The following RPTOR variants were observed in gnomAD, a reference collection of about 807,000 sequenced individuals.
RPTOR encodes the protein regulatory-associated protein of mTOR.
A neutral mutation model predicts 169.9 loss-of-function variants in RPTOR; 21 were observed. That is an observed-to-expected ratio of 0.12 (90% confidence interval 0.09 to 0.18). The LOEUF (loss-of-function observed/expected upper bound fraction) is 0.18. Among genes scored for constraint, RPTOR ranks in the 10% least tolerant of loss-of-function variants. The pLI, the probability that RPTOR is intolerant of heterozygous loss-of-function variation, is 1.00. For synonymous variants in RPTOR, 732 were observed against 753.2 expected (o/e 0.97, Z 0.46); for missense variants, 1,133 against 1,855.9 (o/e 0.61, Z 7.16).
chr17:80,684,531 T>G (rs1436375736), intron 3 of RPTOR, among the ~76,000 whole-genome samples: 1 of 151,498 alleles, frequency 6.6e-6, no homozygotes, highest in Non-Finnish European at 1.5e-5. Context: ...TGCAAGCTCC[T>G]CCTCCCGGGT....
chr17:80,701,293 T>G (rs1225285607), intron 3 of RPTOR, among the ~76,000 whole-genome samples: 3 of 152,192 alleles, frequency 2.0e-5, no homozygotes, highest in African/African-American at 7.2e-5. Context: ...GGTTATATAT[T>G]CTTGCCATTT....
At chr17:80,648,071 AG>A (rs2143610870) in intron 3 of RPTOR, among the ~76,000 whole-genome samples, 1 of 152,312 alleles carries the variant, frequency 6.6e-6, no homozygotes, top group Non-Finnish European at 1.5e-5. Flanking sequence ...AGTATGTTCA[AG>A]GAGAGAACAA....
intron 10 of RPTOR, among the ~76,000 whole-genome samples, chr17:80,843,393 C>T (rs1373227792): frequency 6.6e-6 from 1 of 151,282 alleles, no homozygotes; most frequent in Non-Finnish European, 1.5e-5. Flanking sequence ...TGCACTCCAG[C>T]CTGGGCAACA....
rs1398348696 is a variant in RPTOR at position 80,707,057 on chromosome 17, CA to C, written c.349-783del. On this transcript the variant is annotated intron_variant, in intron 3 of 33. Transcript: ENST00000306801. The surrounding 1 kb of genome is among the most constrained non-coding windows in gnomAD (Gnocchi z 5.0). The stretch of plus-strand genomic sequence containing the variant: ...ATCAAGGCTATTGATTGTTCTCTGT[CA>C]GTTTTAGATTCTGCTCATTCAGGGT... 6.6e-6 allele frequency among the ~76,000 whole-genome samples: 1 copy of C among 152,140 alleles called. No individual in the cohort carries two copies. Among genetic ancestry groups the C allele is most frequent in the Admixed American group, 6.5e-5 (1 of 15,272 alleles).
intron 13 of RPTOR, among the ~76,000 whole-genome samples, chr17:80,871,488 T>C (rs752041863): frequency 6.6e-6 from 1 of 152,170 alleles, no homozygotes; most frequent in Non-Finnish European, 1.5e-5. Flanking sequence ...CTGGTGGCGC[T>C]GGCCTGGGTC....
intron 3 of RPTOR, among the ~76,000 whole-genome samples, chr17:80,703,587 A>C (rs1485618570): frequency 6.6e-6 from 1 of 152,120 alleles, no homozygotes; most frequent in Non-Finnish European, 1.5e-5. Flanking sequence ...CATCCATTAA[A>C]AAAAAAGTTT....
chr17:80,906,900 C>T, intron 20 of RPTOR, among the ~76,000 whole-genome samples: 1 of 152,186 alleles, frequency 6.6e-6, no homozygotes, highest in Non-Finnish European at 1.5e-5. Flanking sequence ...GCTTCCCTGA[C>T]CTCTGCACTC....
intron 9 of RPTOR, among the ~76,000 whole-genome samples, chr17:80,834,095 C>G (rs185283943): frequency 1.6e-4 from 25 of 152,322 alleles, no homozygotes; most frequent in Admixed American, 1.5e-3. Flanking sequence ...CCCACGGCCC[C>G]GAGAGGGCCT....
In RPTOR at chr17:80,749,073, C is replaced by T. The variant is rs543450332; in HGVS notation, c.655-4937C>T. ...GGGACTGCGGTGTGTGTTTAGAGGCCGTGGCAAGAGGACCTGTTGGGTGGA... is the reference window on the plus strand; with the variant it reads ...GGGACTGCGGTGTGTGTTTAGAGGCTGTGGCAAGAGGACCTGTTGGGTGGA... On this transcript the variant is annotated intron_variant, in intron 5 of 33. Transcript: ENST00000306801. 8.4e-3 allele frequency among the ~76,000 whole-genome samples: 400 copies of T among 47,382 alleles called. 55 individuals are homozygous for T. Among genetic ancestry groups the T allele is most frequent in the African/African-American group, 0.031 (374 of 12,142 alleles). 31.1% of individuals were successfully genotyped at this position (47,382 alleles called of 152,430 possible).
intron 3 of RPTOR, among the ~76,000 whole-genome samples, chr17:80,654,710 T>A (rs1299176363): frequency 6.6e-6 from 1 of 152,222 alleles, no homozygotes; most frequent in Admixed American, 6.5e-5. Context: ...GTAGAATTTT[T>A]AATTATAAGT....
At chr17:80,809,076 G>C (rs930142101) in intron 7 of RPTOR, among the ~76,000 whole-genome samples, 1 of 152,266 alleles carries the variant, frequency 6.6e-6, no homozygotes, top group Admixed American at 6.5e-5. Flanking sequence ...AACTTTATAA[G>C]AAATTGTCCA....
chr17:80,874,413 T>C (rs1287763313), intron 13 of RPTOR, among the ~76,000 whole-genome samples: 3 of 152,142 alleles, frequency 2.0e-5, no homozygotes, highest in Non-Finnish European at 2.9e-5. Context: ...GCCAGGATGG[T>C]CTCCGTCTCT....
Position 80,771,213 on chromosome 17 carries a change from C to T in RPTOR, c.830+17028C>T, listed in dbSNP as rs191008114. 1.1e-4 allele frequency among the ~76,000 whole-genome samples: 17 copies of T among 152,320 alleles called. No homozygotes were observed. The East Asian group carries it at 2.9e-3, about 26-fold the overall frequency. ...TCCTGCACTTGGACGTATGTTCTCC[C>T]ACGGCTGTGTTCTTGGCCCTCCTCT... On this transcript the variant is annotated intron_variant, in intron 6 of 33. Transcript: ENST00000306801.
chr17:80,628,572 A>T (rs8071015), intron 2 of RPTOR, among the ~76,000 whole-genome samples: 1 of 151,356 alleles, frequency 6.6e-6, no homozygotes, highest in African/African-American at 2.4e-5. Context: ...TGTTCCCTTT[A>T]TATTCTCAGT....
rs1567874884 is a variant in RPTOR at position 80,721,570 on chromosome 17, G to T, written c.508-8990G>T. Among the ~76,000 whole-genome samples the T allele has an allele frequency of 6.6e-6, 1 of 151,344 alleles. No individual in the cohort carries two copies. Among genetic ancestry groups the T allele is most frequent in the Non-Finnish European group, 1.5e-5 (1 of 68,034 alleles). ...CTGCAGTTTGCAGGAGCATCCTTTGGGCTCTTACCTCAGTCGGTGGGGCTG... is the reference window on the plus strand; with the variant it reads ...CTGCAGTTTGCAGGAGCATCCTTTGTGCTCTTACCTCAGTCGGTGGGGCTG... On this transcript the variant is annotated intron_variant, in intron 4 of 33. Coordinates refer to ENST00000306801, the MANE Select transcript of RPTOR (RefSeq NM_020761.3). The surrounding 1 kb of genome is among the most constrained non-coding windows in gnomAD (Gnocchi z 4.7).
At chr17:80,709,719 T>A (rs2066171088) in intron 4 of RPTOR, among the ~76,000 whole-genome samples, 2 of 152,160 alleles carry the variant, frequency 1.3e-5, no homozygotes, top group African/African-American at 4.8e-5. Flanking sequence ...AGGTTTTTTT[T>A]AATGATAGAC....
chr17:80,662,455 G>A (rs1375710399), intron 3 of RPTOR, among the ~76,000 whole-genome samples: 1 of 152,050 alleles, frequency 6.6e-6, no homozygotes, highest in East Asian at 1.9e-4. Context: ...TTGGTGGGCG[G>A]GGCTAGGGAG....
intron 11 of RPTOR, among the ~76,000 whole-genome samples, chr17:80,850,173 G>T (rs1393971754): frequency 6.6e-6 from 1 of 152,146 alleles, no homozygotes. Flanking sequence ...CACATAGTGG[G>T]CATTATACCC....
intron 19 of RPTOR, 135 bp from the exon 20 acceptor site, chr17:80,893,572 G>T: frequency 2.7e-6 from 3 of 1,102,556 alleles, no homozygotes; most frequent in Non-Finnish European, 3.8e-6. Context: ...GGGTGTGTGT[G>T]TACCAGGGTG....
Sources: gnomAD v4.1 joint callset for allele counts (sites outside exome capture counted in the v4.1 genomes callset) on GRCh38, gnomAD v4.1.1 for gene constraint, Gnocchi (gnomAD v3.1) non-coding constraint, MANE v1.5 for transcripts, NCBI Gene and HGNC (gene_info 2026-07-23, HGNC 2026-07-21) for gene names.